THOC5: variants seen among roughly 807,000 people sequenced by gnomAD.
The protein encoded by THOC5 is Fms-interacting protein.
A neutral mutation model predicts 92.9 loss-of-function variants in THOC5; 43 were observed. The observed-to-expected ratio is 0.46, with a 90% CI of 0.36 to 0.60. The LOEUF is 0.60. Ranked by LOEUF, THOC5 falls within the 20% of genes least tolerant of loss-of-function variation. THOC5 has a pLI of 0.00. For synonymous variants in THOC5, 296 were observed against 320.1 expected (o/e 0.92, Z 0.80); for missense variants, 659 against 849.4 (o/e 0.78, Z 2.79).
intron 8 of THOC5, among the ~76,000 whole-genome samples, chr22:29,530,142 C>CAA (rs34669031): frequency 6.9e-5 from 10 of 144,322 alleles, no homozygotes; most frequent in Non-Finnish European, 9.1e-5. Flanking sequence ...GACTCTGTCT[C>CAA]AAAAAAAAAA....
chr22:29,512,577 A>G (rs1373647253), intron 17 of THOC5, among the ~76,000 whole-genome samples: 1 of 152,210 alleles, frequency 6.6e-6, no homozygotes, highest in Non-Finnish European at 1.5e-5. Flanking sequence ...TGATTTTTAC[A>G]TACTTTGTTA....
At chr22:29,529,839 G>A (rs1166900816) in intron 8 of THOC5, among the ~76,000 whole-genome samples, 1 of 152,150 alleles carries the variant, frequency 6.6e-6, no homozygotes, top group Non-Finnish European at 1.5e-5. Context: ...TCTATGAAAA[G>A]GGGACTTGAA....
At chr22:29,515,685 G>C (rs1397991893) in intron 17 of THOC5, among the ~76,000 whole-genome samples, 1 of 149,880 alleles carries the variant, frequency 6.7e-6, no homozygotes, top group African/African-American at 2.5e-5. Flanking sequence ...AAAAAAATTA[G>C]CCAAGCATGG....
At position 29,539,448 on chromosome 22, in the gene THOC5, T is replaced by G. The variant is rs1279507561; in HGVS notation, c.481A>C (p.Ser161Arg). 7 of 1,613,750 alleles carry G rather than the reference T, an allele frequency of 4.3e-6. No individual in the cohort carries two copies. The highest frequency in any genetic ancestry group is 5.9e-6 in the Non-Finnish European group (7 of 1,179,896). Residue 161 changes from serine to arginine, a missense_variant, in exon 6 of 20, where the codon AGT becomes CGT. Ser to Arg is a moderately radical substitution (Grantham distance 110). Coordinates refer to ENST00000490103, the MANE Select transcript of THOC5 (RefSeq NM_003678.5). ...GCCTCCTTATAAAACTCCTCTAAACTGACCAGATCAATTTCTTCATGCTTT... is the reference window on the plus strand; with the variant it reads ...GCCTCCTTATAAAACTCCTCTAAACGGACCAGATCAATTTCTTCATGCTTT... ...KSKHEEIDLV[S>R]LEEFYKEAPP... is the part of the protein sequence containing the mutation.
chr22:29,524,310 A>G lies in THOC5; in HGVS notation c.1175+1528T>C, dbSNP rs143081368. ...GTGAAAGTTACAAGAGTCAATGATT[A>G]TAAATCAGCTGTCCTTTACCAAGTG... On this transcript the variant is annotated intron_variant, in intron 12 of 19. Transcript: ENST00000490103. Among the ~76,000 whole-genome samples, 42 of 152,350 alleles carry G rather than the reference A, an allele frequency of 2.8e-4. No individual in the cohort carries two copies. In the East Asian group the frequency reaches 7.3e-3, roughly 27 times the overall value.
At chr22:29,528,273 C>T (rs1259621025) in intron 10 of THOC5, 96 bp from the exon 11 acceptor site, 55 of 1,613,884 alleles carry the variant, frequency 3.4e-5, no homozygotes, top group Non-Finnish European at 4.5e-5. Flanking sequence ...CTGCCTGGCA[C>T]CTGCTGCTTC....
rs999697018 is a variant in THOC5, at chr22:29,524,557, C to T, written c.1175+1281G>A. ...AGAATGTTCATGATGAGCTCTACCA[C>T]GATCTGGGGGCCCTGGAACTCCTCA... On this transcript the variant is annotated intron_variant, in intron 12 of 19. Coordinates refer to ENST00000490103, the MANE Select transcript of THOC5 (RefSeq NM_003678.5). Among the ~76,000 whole-genome samples the T allele has an allele frequency of 3.9e-5, 6 of 152,160 alleles. No homozygotes were observed. In the East Asian group the frequency reaches 5.8e-4, roughly 15 times the overall value.
chr22:29,531,928 T>C lies in THOC5; in HGVS notation c.750A>G (p.Pro250=), dbSNP rs572882140. ...SLPVQEYLFM[P]FDQAHKQYET... ...CATACTGCTTGTGAGCCTGGTCGAA[T>C]GGCATAAACAGGTACTCCTGCACCG... Residue 250 remains proline, a synonymous_variant, in exon 8 of 20, where the codon CCA becomes CCG. Transcript: ENST00000490103. The C allele has an allele frequency of 7.0e-5, 113 of 1,614,176 alleles. 2 individuals carry two copies. The South Asian group carries it at 1.2e-3, about 17-fold the overall frequency.
At chr22:29,552,737 G>T (rs1430516063) in intron 1 of THOC5, among the ~76,000 whole-genome samples, 1 of 152,202 alleles carries the variant, frequency 6.6e-6, no homozygotes, top group Non-Finnish European at 1.5e-5. Context: ...CGTCTGGGAG[G>T]TGTACCCAAC....
chr22:29,543,347 C>CAAAAAAAAA lies in THOC5; in HGVS notation c.354+73_354+81dup, dbSNP rs59948387. ...TGGGGGACAGAACGAGACTCTGTCT[C>CAAAAAAAAA]AAAAAAAAAAAAAAAAAAAAAAAAA... is the stretch of plus-strand genomic sequence containing the variant. On this transcript the variant is annotated intron_variant, in intron 4 of 19. Coordinates refer to ENST00000490103, the MANE Select transcript of THOC5 (RefSeq NM_003678.5). The CAAAAAAAAA allele has an allele frequency of 9.0e-5, 42 of 466,228 alleles. No homozygotes were observed. The African/African-American group carries it at 1.5e-3, about 17-fold the overall frequency. 28.9% of individuals were successfully genotyped at this position (466,228 alleles called of 1,614,324 possible).
Position 29,508,392 on chromosome 22 carries a change from A to T in THOC5, c.*65T>A. Reference sequence around the variant, plus strand: ...ATATCAAGAGTCACATGTGGGCCAGAGCAGAAAGCAGAAGCCCAGTGCTCA... The same window carrying T: ...ATATCAAGAGTCACATGTGGGCCAGTGCAGAAAGCAGAAGCCCAGTGCTCA... On this transcript the variant is annotated 3_prime_UTR_variant, in exon 20 of 20. Coordinates refer to ENST00000490103, the MANE Select transcript of THOC5 (RefSeq NM_003678.5). The T allele has an allele frequency of 1.3e-6, 2 of 1,505,882 alleles. No homozygotes were observed. Among genetic ancestry groups the T allele is most frequent in the Non-Finnish European group, 1.8e-6 (2 of 1,083,152 alleles). The allele number at this position is 1,505,882 out of a possible 1,614,324, so 93.3% of individuals were successfully genotyped here.
chr22:29,533,248 T>C (rs1366090439), intron 7 of THOC5, among the ~76,000 whole-genome samples: 1 of 152,084 alleles, frequency 6.6e-6, no homozygotes, highest in Admixed American at 6.6e-5. Flanking sequence ...CCTGAAGAAA[T>C]AGGTTGGAAC....
Position 29,544,401 on chromosome 22 carries a change from A to G in THOC5, c.240+59T>C, listed in dbSNP as rs1011881079. ...ATCAGGAAGGGCCCTGGTAGGTGCA[A>G]AAACAGCCTCATCTATGTAAACCCA... On this transcript the variant is annotated intron_variant, in intron 3 of 19. Coordinates refer to ENST00000490103, the MANE Select transcript of THOC5 (RefSeq NM_003678.5). The G allele has an allele frequency of 7.0e-6, 11 of 1,568,000 alleles. No individual in the cohort carries two copies. In the African/African-American group the frequency reaches 1.4e-4, roughly 19 times the overall value.
intron 12 of THOC5, among the ~76,000 whole-genome samples, chr22:29,523,554 G>A (rs971294298): frequency 6.6e-6 from 1 of 152,120 alleles, no homozygotes; most frequent in South Asian, 2.1e-4. Flanking sequence ...CCACAGGGAC[G>A]CAGTCCTCAA....
chr22:29,535,272 A>T (rs2063737485), intron 7 of THOC5: 1 of 151,786 alleles, frequency 6.6e-6, no homozygotes. Flanking sequence ...AAAAAAAAAA[A>T]AAAAAAAAGC....
Position 29,519,251 on chromosome 22 carries a change from A to G in THOC5, c.1375-131T>C, listed in dbSNP as rs866888687. The stretch of plus-strand genomic sequence containing the variant: ...GCCCCAAGATGGGTACCCTTTAGAC[A>G]TGGCAAGGTTTATCTGCTATGACAG... On this transcript the variant is annotated intron_variant, in intron 14 of 19. Coordinates refer to ENST00000490103, the MANE Select transcript of THOC5 (RefSeq NM_003678.5). 22 of 553,210 alleles carry G rather than the reference A, an allele frequency of 4.0e-5. No individual in the cohort carries two copies. In the South Asian group the frequency reaches 5.7e-4, roughly 14 times the overall value. 34.3% of individuals were successfully genotyped at this position (553,210 alleles called of 1,614,324 possible).
intron 15 of THOC5, 135 bp from the exon 16 acceptor site, chr22:29,517,501 G>T (rs548299961): frequency 4.2e-6 from 3 of 710,434 alleles, no homozygotes. Flanking sequence ...TACTCAGGAA[G>T]TACCCAGGTC....
At chr22:29,531,168 A>G in intron 8 of THOC5, 1 of 1,121,926 alleles carries the variant, frequency 8.9e-7, no homozygotes, top group Non-Finnish European at 1.1e-6. Flanking sequence ...AGGACGAGGA[A>G]GACACAAGAA....
intron 1 of THOC5, among the ~76,000 whole-genome samples, chr22:29,552,662 G>T (rs2064191173): frequency 1.3e-5 from 2 of 151,664 alleles, no homozygotes; most frequent in African/African-American, 4.8e-5. Flanking sequence ...TCCGGGAGGT[G>T]GGGGGCGCCT....
Sources: gnomAD v4.1 joint callset for allele counts (sites outside exome capture counted in the v4.1 genomes callset) on GRCh38, gnomAD v4.1.1 for gene constraint, MANE v1.5 for transcripts, NCBI Gene and HGNC (gene_info 2026-07-23, HGNC 2026-07-21) for gene names.